ANXA7: variants seen among roughly 807,000 people sequenced by gnomAD.
The protein encoded by ANXA7 is annexin VII.
ANXA7 carries 55 observed loss-of-function variants against 64.9 expected under a neutral mutation model. That is an observed-to-expected ratio of 0.85 (90% CI 0.68 to 1.06). ANXA7 has a LOEUF of 1.06. ANXA7 is among the 50% of genes least tolerant of loss of function. The pLI is 0.00. For missense variants in ANXA7, 548 were observed against 582.1 expected, an observed-to-expected ratio of 0.94 and a Z score of 0.60; for synonymous variants, 200 against 192.4, an observed-to-expected ratio of 1.04 and a Z score of -0.33.
chr10:73,390,747 T>C (rs192059100), intron 5 of ANXA7, among the ~76,000 whole-genome samples: 15,464 of 138,202 alleles, frequency 0.11, 1,223 homozygotes, highest in East Asian at 0.3. Flanking sequence ...CACACACACA[T>C]ATATATATAT....
Position 73,375,852 on chromosome 10 carries a change from C to T in ANXA7, c.*243G>A, listed in dbSNP as rs967279572. On this transcript the variant is annotated 3_prime_UTR_variant, in exon 13 of 13. Transcript: ENST00000372921. ...TGAAACTAGTAAGAATGAAGGTTTA[C>T]AAACATTGCAATATTACTGTATCAT... The T allele has an allele frequency of 1.4e-5, 4 of 278,510 alleles. No individual in the cohort carries two copies. The highest frequency in any genetic ancestry group is 6.6e-5 in the African/African-American group (3 of 45,562). The allele number at this position is 278,510 out of a possible 1,614,324, so 17.3% of individuals were successfully genotyped here. A position where few individuals can be genotyped will look rare whatever the true frequency, so the allele number is the denominator to read the frequency against.
intron 11 of ANXA7, among the ~76,000 whole-genome samples, chr10:73,379,497 T>G (rs1300833680): frequency 6.6e-6 from 1 of 152,226 alleles, no homozygotes; most frequent in Admixed American, 6.5e-5. Flanking sequence ...AATATCTGTT[T>G]TGAGGACTCA....
chr10:73,400,394 A>G (rs1278751552), intron 2 of ANXA7, among the ~76,000 whole-genome samples: 2 of 152,240 alleles, frequency 1.3e-5, no homozygotes, highest in African/African-American at 4.8e-5. Context: ...GCATTAAAAA[A>G]AAGAAAAAGA....
At chr10:73,378,100 C>T (rs1296660606) in intron 12 of ANXA7, among the ~76,000 whole-genome samples, 3 of 151,228 alleles carry the variant, frequency 2.0e-5, no homozygotes, top group Non-Finnish European at 2.9e-5. Context: ...TCAGGCCAGG[C>T]GTGGTGGCTC....
chr10:73,413,004 G>C (rs1453882662), intron 1 of ANXA7, among the ~76,000 whole-genome samples: 1 of 152,002 alleles, frequency 6.6e-6, no homozygotes, highest in African/African-American at 2.4e-5. Context: ...AAACAGGAAG[G>C]GTGACTGAAG....
rs542289005 is a variant in ANXA7, at chr10:73,377,930, T to TGTGTGTGTGTGTGC, written c.1278+980_1278+981insGCACACACACACAC. ...GTGTGTGTGTGTGTGTGTGTGTGTG[T>TGTGTGTGTGTGTGC]GCGCGCGCGTGTGTTTTTTGTAGAA... On this transcript the variant is annotated intron_variant, in intron 12 of 12. Coordinates refer to ENST00000372921, the MANE Select transcript of ANXA7 (RefSeq NM_001156.5). Among the ~76,000 whole-genome samples, 474 of 142,568 alleles carry TGTGTGTGTGTGTGC rather than the reference T, an allele frequency of 3.3e-3. 6 individuals carry two copies. The highest frequency in any genetic ancestry group is 0.012 in the African/African-American group (435 of 35,486). 93.5% of individuals were successfully genotyped at this position (142,568 alleles called of 152,430 possible). A position where few individuals can be genotyped will look rare whatever the true frequency, so the allele number is the denominator to read the frequency against.
intron 11 of ANXA7, among the ~76,000 whole-genome samples, chr10:73,379,430 C>T (rs558457597): frequency 1.3e-5 from 2 of 152,254 alleles, no homozygotes; most frequent in Admixed American, 6.5e-5. Context: ...TGTATTAGAC[C>T]ACCAGAAACT....
intron 7 of ANXA7, among the ~76,000 whole-genome samples, chr10:73,385,327 A>C (rs1229828870): frequency 6.6e-6 from 1 of 152,232 alleles, no homozygotes; most frequent in African/African-American, 2.4e-5. Context: ...GGTGACAAAG[A>C]AGCTATAGAT....
chr10:73,394,783 A>G (rs965197274), intron 5 of ANXA7, among the ~76,000 whole-genome samples: 1 of 152,222 alleles, frequency 6.6e-6, no homozygotes, highest in Non-Finnish European at 1.5e-5. Context: ...CGGGTGCAGC[A>G]CACCAACATG....
At chr10:73,398,670 T>G (rs2055614667) in intron 2 of ANXA7, among the ~76,000 whole-genome samples, 1 of 151,624 alleles carries the variant, frequency 6.6e-6, no homozygotes, top group African/African-American at 2.4e-5. Context: ...CCTCAAGGTT[T>G]TAAGAAAAAA....
At chr10:73,382,173 C>T (rs943357262) in intron 9 of ANXA7, among the ~76,000 whole-genome samples, 3 of 152,146 alleles carry the variant, frequency 2.0e-5, no homozygotes, top group Non-Finnish European at 4.4e-5. Context: ...CACACCCAGC[C>T]CCTCCCTTGG....
At position 73,398,201 on chromosome 10, in the gene ANXA7, C is replaced by T; in HGVS notation, c.239G>A (p.Gly80Glu). Residue 80 changes from glycine (G) to glutamate (E), a missense_variant, in exon 3 of 13, where the codon GGA becomes GAA. Coordinates refer to ENST00000372921, the MANE Select transcript of ANXA7 (RefSeq NM_001156.5). ...GGYPGAPQPG[G>E]APSYPGVPPG... ...CTCACCTCCGGGATAGGATGGAGCT[C>T]CCCCTGGCTGTGGGGCACCAGGATA... The T allele has an allele frequency of 6.2e-7, 1 of 1,612,980 alleles. No homozygotes were observed.
chr10:73,397,399 TTATC>T lies in ANXA7; in HGVS notation c.260-129_260-126del, dbSNP rs1232788392. The T allele has an allele frequency of 2.0e-5, 9 of 439,880 alleles. No individual in the cohort carries two copies. The Admixed American group carries it at 2.6e-4, about 13-fold the overall frequency. The allele number at this position is 439,880 out of a possible 1,614,324, so 27.2% of individuals were successfully genotyped here. On this transcript the variant is annotated intron_variant, in intron 3 of 12. Coordinates refer to ENST00000372921, the MANE Select transcript of ANXA7 (RefSeq NM_001156.5). ...TTAATGCTATAATAGCAGTCCCTGT[TTATC>T]TAGATTCAAAACTTCAAATTCTCCA...
intron 1 of ANXA7, among the ~76,000 whole-genome samples, chr10:73,410,305 A>C (rs563053799): frequency 2.0e-5 from 3 of 152,236 alleles, no homozygotes; most frequent in African/African-American, 7.2e-5. Context: ...CAAATCACAA[A>C]GAAAAAAAAA....
intron 5 of ANXA7, 80 bp downstream of exon 5, chr10:73,396,439 C>A: frequency 1.9e-6 from 2 of 1,027,546 alleles, no homozygotes; most frequent in Non-Finnish European, 2.9e-6. Context: ...TTTCCTCCGA[C>A]CCATGGAAAC....
At position 73,383,614 on chromosome 10, in the gene ANXA7, G is replaced by A. The variant is rs142515398; in HGVS notation, c.710C>T (p.Thr237Met). 15 of 1,613,578 alleles carry A rather than the reference G, an allele frequency of 9.3e-6. No individual in the cohort carries two copies. Among genetic ancestry groups the A allele is most frequent in the South Asian group, 5.5e-5 (5 of 91,066 alleles). The part of the protein sequence containing the change: ...ELILALFMPP[T>M]YYDAWSLRKA... ...CCGTAAGCTCCAGGCATCGTAATAC[G>A]TAGGAGGCATGAAGAGGGCCAGGAT... The change falls in exon 8 of 13, where the codon ACG becomes ATG. Residue 237 changes from threonine to methionine, a missense_variant. Physicochemically the swap from Thr to Met is moderately conservative, Grantham distance 81 (BLOSUM62 -1). Transcript: ENST00000372921.
Position 73,397,069 on chromosome 10 carries a change from G to C in ANXA7, c.370+95C>G, listed in dbSNP as rs572564980. Reference sequence around the variant, plus strand: ...ATTTATGGAAATATAAACATTTATTGCAGATTATCTCAAATATAAACTAAG... The same window carrying C: ...ATTTATGGAAATATAAACATTTATTCCAGATTATCTCAAATATAAACTAAG... On this transcript the variant is annotated intron_variant, in intron 4 of 12. Transcript: ENST00000372921. The C allele has an allele frequency of 3.6e-3, 1,816 of 500,534 alleles. 8 individuals are homozygous for C. Among genetic ancestry groups the C allele is most frequent in the Middle Eastern group, 0.017 (43 of 2,536 alleles). The allele number at this position is 500,534 out of a possible 1,614,324, so 31.0% of individuals were successfully genotyped here.
intron 3 of ANXA7, among the ~76,000 whole-genome samples, 183 bp downstream of exon 3, chr10:73,397,998 C>A (rs1299012871): frequency 1.3e-5 from 2 of 152,094 alleles, no homozygotes; most frequent in Non-Finnish European, 2.9e-5. Flanking sequence ...GAAACTGCTC[C>A]CAGCTTTCAT....
At chr10:73,383,366 A>G (rs770512022) in intron 8 of ANXA7, 21 bp from the exon 9 acceptor site, 3 of 1,580,582 alleles carry the variant, frequency 1.9e-6, no homozygotes, top group Non-Finnish European at 2.6e-6. Flanking sequence ...TGAAGGGAAG[A>G]TTATACAAAG....
Sources: gnomAD v4.1 joint callset for allele counts (sites outside exome capture counted in the v4.1 genomes callset) on GRCh38, gnomAD v4.1.1 for gene constraint, MANE v1.5 for transcripts, NCBI Gene and HGNC (gene_info 2026-07-23, HGNC 2026-07-21) for gene names.